TNC: variants seen among roughly 807,000 people sequenced by gnomAD.
TNC encodes tenascin C.
In TNC, 109 loss-of-function variants were observed where a neutral mutation model predicts 202.4. The observed-to-expected ratio is 0.54, with a 90% CI of 0.46 to 0.63. TNC has a LOEUF of 0.63. TNC is among the 30% of genes least tolerant of loss of function. The pLI, the probability that TNC is intolerant of heterozygous loss-of-function variation, is 0.00. For missense variants in TNC, 2,756 were observed against 2,833.3 expected (o/e 0.97, Z 0.62); for synonymous variants, 1,007 against 1,089.7 (o/e 0.92, Z 1.50).
Position 115,086,623 on chromosome 9 carries a change from C to T in TNC, c.1108G>A (p.Val370Met), listed in dbSNP as rs1061493. The change falls in exon 3 of 28, where the codon GTG becomes ATG. Residue 370 changes from valine to methionine, a missense_variant. Val to Met is a conservative substitution (Grantham distance 21, BLOSUM62 1). Coordinates refer to ENST00000350763, the MANE Select transcript of TNC (RefSeq NM_002160.4). ...QCVCDEGFAG[V>M]DCSEKRCPAD... ...GGACACCTCTTCTCGCTGCAGTCCA[C>T]ACCGGCAAAGCCCTCATCACATACA... 6 of 1,614,078 alleles carry T rather than the reference C, an allele frequency of 3.7e-6. No individual in the cohort carries two copies. The highest frequency in any genetic ancestry group is 1.7e-5 in the Admixed American group (1 of 60,016).
At chr9:115,097,488 A>G (rs1835885433) in intron 1 of TNC, among the ~76,000 whole-genome samples, 1 of 152,340 alleles carries the variant, frequency 6.6e-6, no homozygotes, top group Admixed American at 6.5e-5. Flanking sequence ...AACAAGTAAC[A>G]AAAGAGATTG....
intron 9 of TNC, among the ~76,000 whole-genome samples, chr9:115,074,771 G>A (rs1833715433): frequency 7.9e-6 from 1 of 125,866 alleles, no homozygotes; most frequent in South Asian, 2.6e-4. Context: ...AAATCTACAT[G>A]TGTGATAAAA....
Position 115,090,924 on chromosome 9 carries a change from T to A in TNC, c.95A>T (p.Lys32Met). 1 of 1,614,174 alleles carries A rather than the reference T, an allele frequency of 6.2e-7. No homozygotes were observed. Among genetic ancestry groups the A allele is most frequent in the Non-Finnish European group, 8.5e-7 (1 of 1,180,030 alleles). Residue 32 changes from lysine (K) to methionine (M), a missense_variant, in exon 2 of 28, where the codon AAG becomes ATG. Physicochemically the swap from Lys to Met is moderately conservative, Grantham distance 95 (BLOSUM62 -1). Around this residue, in one of 2 missense-constraint regions of TNC, gnomAD observed 2,559 missense variants for 2,546.0 expected, o/e 1.01. Transcript: ENST00000350763. Reference sequence around the variant, plus strand: ...GGTGGCGTTCACCCCACTCTGTCGCTTGTGCCGGATGACTTTCTTGAGGAC... The same window carrying A: ...GGTGGCGTTCACCCCACTCTGTCGCATGTGCCGGATGACTTTCTTGAGGAC... ...GGVLKKVIRHKRQSGVNATLP... is the reference protein window; with the variant it reads ...GGVLKKVIRHMRQSGVNATLP...
Position 115,057,157 on chromosome 9 carries a change from C to T in TNC, c.4575G>A (p.Thr1525=), listed in dbSNP as rs17819466. The T allele has an allele frequency of 0.12, 185,646 of 1,610,660 alleles. 11,868 individuals are homozygous for T. The highest frequency in any genetic ancestry group is 0.22 in the Middle Eastern group (1,300 of 6,036). Residue 1525 remains threonine, a synonymous_variant, in exon 15 of 28, where the codon ACG becomes ACA. Transcript: ENST00000350763. ...IRTKTISATA[T]TEALPLLENL... is the part of the protein sequence containing the mutation. ...AATGGGAGAATGCACATGTACCTGT[C>T]GTGGCTGTGGCACTGATGGTTTTGG...
At position 115,078,020 on chromosome 9, in the gene TNC, T is replaced by A; in HGVS notation, c.2597A>T (p.Asp866Val). Residue 866 changes from aspartate (D) to valine (V), a missense_variant, in exon 7 of 28, where the codon GAC becomes GTC. By Grantham distance (152) the Asp-to-Val change is radical. Transcript: ENST00000350763. ...NQYSIGNLKP[D>V]TEYEVSLISR... ...GATGAGGGACACCTCGTACTCAGTG[T>A]CAGGCTTCAGGTTCCCGATGGAGTA... The A allele has an allele frequency of 5.6e-6, 9 of 1,614,250 alleles. No individual in the cohort carries two copies. Among genetic ancestry groups the A allele is most frequent in the Non-Finnish European group, 7.6e-6 (9 of 1,180,034 alleles).
At chr9:115,022,879 T>C (rs906413814) in intron 27 of TNC, among the ~76,000 whole-genome samples, 13 of 152,162 alleles carry the variant, frequency 8.5e-5, no homozygotes, top group African/African-American at 3.1e-4. Context: ...AGGTCGCAGG[T>C]GTCATTTGCT....
intron 15 of TNC, chr9:115,052,952 G>A (rs549782847): frequency 5.4e-5 from 38 of 702,720 alleles, no homozygotes; most frequent in South Asian, 4.7e-4. Context: ...AGTGGTCCAT[G>A]ACATGTTGAA....
intron 6 of TNC, among the ~76,000 whole-genome samples, chr9:115,080,448 A>G (rs904632428): frequency 6.6e-6 from 1 of 152,164 alleles, no homozygotes; most frequent in South Asian, 2.1e-4. Context: ...AAAATGTGCA[A>G]ATATTTAAAT....
At chr9:115,035,660 C>A (rs906296283) in intron 21 of TNC, 1 of 273,684 alleles carries the variant, frequency 3.7e-6, no homozygotes, top group African/African-American at 2.2e-5. Flanking sequence ...AATACTCACC[C>A]TGACAGAGAG....
At chr9:115,068,792 T>C (rs1833140657) in intron 10 of TNC, among the ~76,000 whole-genome samples, 1 of 152,216 alleles carries the variant, frequency 6.6e-6, no homozygotes, top group East Asian at 1.9e-4. Flanking sequence ...GTCATTACTC[T>C]TTCTCCACTT....
At chr9:115,030,465 T>C in intron 23 of TNC, 60 bp from the exon 24 acceptor site, 2 of 1,533,824 alleles carry the variant, frequency 1.3e-6, no homozygotes, top group South Asian at 1.2e-5. Flanking sequence ...TGGAGCTTAA[T>C]TCTTAGCTTA....
chr9:115,102,445 A>G (rs1005439528), intron 1 of TNC, among the ~76,000 whole-genome samples: 1 of 152,220 alleles, frequency 6.6e-6, no homozygotes, highest in Admixed American at 6.5e-5. Flanking sequence ...AGGGTTCCAG[A>G]TGCCTTGAAG....
intron 22 of TNC, among the ~76,000 whole-genome samples, chr9:115,034,921 A>G (rs898390351): frequency 1.3e-5 from 2 of 152,188 alleles, no homozygotes; most frequent in African/African-American, 4.8e-5. Flanking sequence ...TTGTTCAACA[A>G]AATATTAAAG....
At chr9:115,099,521 G>A (rs185682387) in intron 1 of TNC, among the ~76,000 whole-genome samples, 1 of 152,306 alleles carries the variant, frequency 6.6e-6, no homozygotes, top group Admixed American at 6.5e-5. Flanking sequence ...AAATAGTTGG[G>A]TAGTAGCAAA....
chr9:115,076,138 C>G lies in TNC; in HGVS notation c.2861-17G>C. ...GCCTCAGACCTAAGGAGAGAATGTG[C>G]AAGTTGAGATTCATCCTGAAATCAG... On this transcript the variant is annotated splice_polypyrimidine_tract_variant and intron_variant, in intron 8 of 27. Transcript: ENST00000350763. 1 of 1,609,288 alleles carries G rather than the reference C, an allele frequency of 6.2e-7. No individual in the cohort carries two copies. The highest frequency in any genetic ancestry group is 8.5e-7 in the Non-Finnish European group (1 of 1,175,580).
chr9:115,085,010 C>T (rs1320358033), intron 3 of TNC, among the ~76,000 whole-genome samples: 1 of 152,066 alleles, frequency 6.6e-6, no homozygotes, highest in Non-Finnish European at 1.5e-5. Flanking sequence ...GAACACAAAG[C>T]CATTTATTTA....
At position 115,059,793 on chromosome 9, in the gene TNC, C is replaced by A. The variant is rs141482844; in HGVS notation, c.4243G>T (p.Val1415Phe). The change falls in exon 14 of 28, where the codon GTC becomes TTC. Residue 1415 changes from valine (V) to phenylalanine (F), a missense_variant. This residue lies in a region of TNC where 2,559 missense variants were observed against 2,546.0 expected (regional missense o/e 1.01). Coordinates refer to ENST00000350763, the MANE Select transcript of TNC (RefSeq NM_002160.4). ...PGLEAATPYR[V>F]SIYGVIRGYR... is the part of the protein sequence containing the mutation. Reference sequence around the variant, plus strand: ...CCCCGGATCACCCCATAGATGGAGACTCTATAAGGCGTGGCAGCCTCGAGG... The same window carrying A: ...CCCCGGATCACCCCATAGATGGAGAATCTATAAGGCGTGGCAGCCTCGAGG... The A allele has an allele frequency of 8.1e-6, 13 of 1,613,978 alleles. No homozygotes were observed. The highest frequency in any genetic ancestry group is 1.3e-5 in the African/African-American group (1 of 74,916).
At chr9:115,026,242 A>G (rs1186907345) in intron 26 of TNC, among the ~76,000 whole-genome samples, 1 of 152,144 alleles carries the variant, frequency 6.6e-6, no homozygotes, top group Non-Finnish European at 1.5e-5. Context: ...ATCAGTCTAC[A>G]ACTGATATCT....
intron 17 of TNC, among the ~76,000 whole-genome samples, chr9:115,042,649 G>A (rs186402411): frequency 9.2e-5 from 14 of 152,214 alleles, no homozygotes; most frequent in Admixed American, 5.2e-4. Context: ...TGTGACCCCC[G>A]TTCATTTTTG....
Sources: allele counts gnomAD v4.1 joint callset (sites outside exome capture counted in the v4.1 genomes callset), GRCh38; gene constraint gnomAD v4.1.1; regional missense constraint gnomAD v4.1.1; transcripts MANE v1.5; gene names NCBI Gene and HGNC (gene_info 2026-07-23, HGNC 2026-07-21).